Variants in SLCO2B1 observed in about 807,000 individuals in gnomAD.
The protein encoded by SLCO2B1 is OATP-RP2.
A neutral mutation model predicts 67.3 loss-of-function variants in SLCO2B1; 41 were observed. The observed-to-expected ratio is 0.61, with a 90% CI of 0.47 to 0.79. The LOEUF (loss-of-function observed/expected upper bound fraction) is 0.79. SLCO2B1 is among the 30% of genes least tolerant of loss of function. SLCO2B1 has a pLI of 0.00. For synonymous variants in SLCO2B1, 379 were observed against 381.4 expected (o/e 0.99, Z 0.07); for missense variants, 837 against 920.1 (o/e 0.91, Z 1.17).
In SLCO2B1 at chr11:75,200,344, C is replaced by T. The variant is rs1945164457; in HGVS notation, c.1720C>T (p.Leu574=). The T allele has an allele frequency of 2.9e-5, 46 of 1,612,654 alleles. No individual in the cohort carries two copies. The highest frequency in any genetic ancestry group is 3.8e-5 in the Non-Finnish European group (45 of 1,179,500). ...GCTCCTGGTCAGCCTGGGCTCGGCC[C>T]TGGCCTGTCTCACCCACACACCCTC... The part of the protein sequence containing the change: ...FLLLVSLGSA[L]ACLTHTPSFM... The change falls in exon 11 of 14, where the codon CTG becomes TTG. Residue 574 remains leucine (L), a synonymous_variant. Coordinates refer to ENST00000289575, the MANE Select transcript of SLCO2B1 (RefSeq NM_007256.5).
intron 13 of SLCO2B1, chr11:75,203,673 G>C (rs1945221942): frequency 2.0e-6 from 1 of 490,404 alleles, no homozygotes; most frequent in Non-Finnish European, 3.7e-6. Flanking sequence ...TGCAGAGCTG[G>C]GCCTTGACCA....
Position 75,151,256 on chromosome 11 carries a change from CAT to C in SLCO2B1, c.-125_-124del, listed in dbSNP as rs1385974121. 8.1e-5 allele frequency: 63 copies of C among 777,810 alleles called. No individual in the cohort carries two copies. Among genetic ancestry groups the C allele is most frequent in the Non-Finnish European group, 1.2e-4 (56 of 464,620 alleles). The allele number at this position is 777,810 out of a possible 1,614,324, so 48.2% of individuals were successfully genotyped here. A position where few individuals can be genotyped will look rare whatever the true frequency, so the allele number is the denominator to read the frequency against. The stretch of plus-strand genomic sequence containing the variant: ...GTGTCTGGAGCTCCCACCGTTATTG[CAT>C]CCCTGCTGTGGCTCACCTGCTGCTG... On this transcript the variant is annotated 5_prime_UTR_variant, in exon 1 of 14. An upstream open reading frame in the 5' UTR loses its in-frame stop. Coordinates refer to ENST00000289575, the MANE Select transcript of SLCO2B1 (RefSeq NM_007256.5).
intron 1 of SLCO2B1, 28 bp downstream of exon 1, chr11:75,151,425 C>G: frequency 1.2e-6 from 2 of 1,612,986 alleles, no homozygotes; most frequent in Non-Finnish European, 1.7e-6. Flanking sequence ...AAGGAAGGGC[C>G]ATGGAGAGCA....
intron 7 of SLCO2B1, among the ~76,000 whole-genome samples, chr11:75,173,399 G>C (rs191615741): frequency 6.6e-6 from 1 of 152,202 alleles, no homozygotes; most frequent in Non-Finnish European, 1.5e-5. Context: ...TGGCCCTTTC[G>C]GGGACAGTGA....
chr11:75,155,197 G>C (rs558088346), intron 1 of SLCO2B1, among the ~76,000 whole-genome samples: 1 of 152,132 alleles, frequency 6.6e-6, no homozygotes, highest in African/African-American at 2.4e-5. Flanking sequence ...GCATGCTATT[G>C]TCCTCCCAGC....
intron 2 of SLCO2B1, among the ~76,000 whole-genome samples, chr11:75,163,258 A>G (rs1024501444): frequency 4.6e-5 from 7 of 152,180 alleles, no homozygotes; most frequent in Admixed American, 2.6e-4. Flanking sequence ...CATTGTACAG[A>G]TGAGGAAACT....
rs530369604 is a variant in SLCO2B1 at position 75,195,325 on chromosome 11, A to G, written c.1434-1189A>G. 3.3e-5 allele frequency among the ~76,000 whole-genome samples: 5 copies of G among 152,270 alleles called. No individual in the cohort carries two copies. In the South Asian group the frequency reaches 6.2e-4, roughly 19 times the overall value. ...CAGAGTCCCCTGGCACTGCCTCCTG[A>G]TGGGCCCTCAGCTCAGACAGTGCCA... On this transcript the variant is annotated intron_variant, in intron 9 of 13. Transcript: ENST00000289575.
At chr11:75,166,089 A>G (rs1478198376) in intron 4 of SLCO2B1, 140 bp downstream of exon 4, 3 of 1,024,382 alleles carry the variant, frequency 2.9e-6, no homozygotes, top group African/African-American at 3.3e-5. Flanking sequence ...TCCCCCCCCA[A>G]CCTGGCTCCC....
At chr11:75,172,619 A>G (rs939191057) in intron 7 of SLCO2B1, 50 bp downstream of exon 7, 1 of 1,511,654 alleles carries the variant, frequency 6.6e-7, no homozygotes, top group African/African-American at 1.4e-5. Flanking sequence ...AGCACCACCC[A>G]CTTGTTCTCC....
chr11:75,172,638 A>G, intron 7 of SLCO2B1, 69 bp downstream of exon 7: 1 of 1,413,484 alleles, frequency 7.1e-7, no homozygotes, highest in Non-Finnish European at 9.8e-7. Context: ...CCTTTGTAAC[A>G]TTACACTTCG....
At chr11:75,179,549 A>T (rs1382117498) in intron 7 of SLCO2B1, among the ~76,000 whole-genome samples, 1 of 151,882 alleles carries the variant, frequency 6.6e-6, no homozygotes, top group Admixed American at 6.6e-5. Context: ...GATATTTTGA[A>T]TTGGCATACA....
At chr11:75,167,893 TTC>T (rs1232233307) in intron 4 of SLCO2B1, among the ~76,000 whole-genome samples, 3 of 73,398 alleles carry the variant, frequency 4.1e-5, no homozygotes, top group Non-Finnish European at 6.3e-5. Context: ...TGTTCTTTCT[TTC>T]TTTTTTTTTT....
At chr11:75,194,934 A>G (rs1173029464) in intron 9 of SLCO2B1, among the ~76,000 whole-genome samples, 2 of 152,150 alleles carry the variant, frequency 1.3e-5, no homozygotes, top group African/African-American at 4.8e-5. Context: ...ACCATTTGGG[A>G]CCAACTGAGC....
chr11:75,188,084 A>T (rs1944964443), intron 7 of SLCO2B1, 52 bp from the exon 8 acceptor site: 10 of 1,308,584 alleles, frequency 7.6e-6, no homozygotes, highest in Non-Finnish European at 1.1e-5. Context: ...GCCAACTCTG[A>T]GTGGGGTTGC....
chr11:75,152,956 C>T (rs1180725446), intron 1 of SLCO2B1, among the ~76,000 whole-genome samples: 1 of 152,164 alleles, frequency 6.6e-6, no homozygotes, highest in African/African-American at 2.4e-5. Context: ...TCAGGGCAGA[C>T]ACCAGAGAGG....
At chr11:75,196,374 G>C in intron 9 of SLCO2B1, 140 bp from the exon 10 acceptor site, 1 of 803,748 alleles carries the variant, frequency 1.2e-6, no homozygotes, top group Non-Finnish European at 1.9e-6. Context: ...CGCCATCATC[G>C]GGCAGCCCTG....
chr11:75,195,484 C>G (rs950540455), intron 9 of SLCO2B1, among the ~76,000 whole-genome samples: 2 of 152,018 alleles, frequency 1.3e-5, no homozygotes, highest in African/African-American at 4.8e-5. Context: ...TGATAGAGTG[C>G]CCCCTCACCC....
chr11:75,200,442 G>A, intron 11 of SLCO2B1, 55 bp downstream of exon 11: 1 of 1,496,428 alleles, frequency 6.7e-7, no homozygotes, highest in Non-Finnish European at 8.9e-7. Flanking sequence ...CTTAACCACA[G>A]GCAGAACAAG....
At chr11:75,178,207 T>G (rs1950050550) in intron 7 of SLCO2B1, among the ~76,000 whole-genome samples, 2 of 152,118 alleles carry the variant, frequency 1.3e-5, no homozygotes, top group African/African-American at 4.8e-5. Context: ...CCATGCAATA[T>G]GGTGGCCCCA....
Sources: gnomAD v4.1 joint callset for allele counts (sites outside exome capture counted in the v4.1 genomes callset) on GRCh38, gnomAD v4.1.1 for gene constraint, MANE v1.5 for transcripts, NCBI Gene and HGNC (gene_info 2026-07-23, HGNC 2026-07-21) for gene names.